CASP9: variants seen among roughly 807,000 people sequenced by gnomAD.
CASP9 encodes the protein caspase 9, also known as caspase-9.
Under a neutral mutation model 43.5 loss-of-function variants are expected in CASP9, and 29 were observed. The observed-to-expected ratio is 0.67, with a 90% confidence interval of 0.50 to 0.91. CASP9 has a LOEUF of 0.91. Among genes scored for constraint, CASP9 ranks in the 40% least tolerant of loss-of-function variants. CASP9 has a pLI of 0.00. For missense variants in CASP9, 575 were observed against 537.4 expected (o/e 1.07, Z -0.69); for synonymous variants, 206 against 211.9 (o/e 0.97, Z 0.24).
At chr1:15,522,189 CTGTT>C (rs1241661887) in intron 1 of CASP9, among the ~76,000 whole-genome samples, 4 of 152,168 alleles carry the variant, frequency 2.6e-5, no homozygotes, top group African/African-American at 4.8e-5. Context: ...TAGGGTTTTT[CTGTT>C]TGTTTGGCTC....
intron 1 of CASP9, 96 bp from the exon 2 acceptor site, chr1:15,518,491 A>G: frequency 7.6e-7 from 1 of 1,320,646 alleles, no homozygotes; most frequent in Non-Finnish European, 1.0e-6. Context: ...AGTCTAAACA[A>G]TCAGGCACGT....
intron 7 of CASP9, among the ~76,000 whole-genome samples, 161 bp from the exon 8 acceptor site, chr1:15,494,162 G>C (rs553466007): frequency 7.0e-4 from 107 of 152,204 alleles, no homozygotes; most frequent in African/African-American, 2.4e-3. Flanking sequence ...CCCTAATCAT[G>C]ATCTTATTTC....
At position 15,492,951 on chromosome 1, in the gene CASP9, T is replaced by C; in HGVS notation, c.1243A>G (p.Thr415Ala). ...GGTGAGGGGCCCTGGCCTTATGATG[T>C]TTTAAAGAAAAGTTTTTTCCGGAGG... ...NFLRKKLFFK[T>A]S The change falls in exon 9 of 9, where the codon ACA becomes GCA. Residue 415 changes from threonine (T) to alanine (A), a missense_variant. Coordinates refer to ENST00000333868, the MANE Select transcript of CASP9 (RefSeq NM_001229.5). 5 of 1,613,816 alleles carry C rather than the reference T, an allele frequency of 3.1e-6. 1 individual carries two copies. The South Asian group carries it at 5.5e-5, about 18-fold the overall frequency.
In CASP9 at chr1:15,518,071, G is replaced by A. The variant is rs752129011; in HGVS notation, c.418+39C>T. 2.4e-5 allele frequency: 38 copies of A among 1,604,338 alleles called. 1 individual carries two copies. The highest frequency in any genetic ancestry group is 1.8e-4 in the Middle Eastern group (1 of 5,448). ...CTCATAGTGAGTCCCAAATGACTAC[G>A]TGTCATGCCCACCCACCAATCACTC... is the stretch of plus-strand genomic sequence containing the variant. On this transcript the variant is annotated intron_variant, in intron 2 of 8. Coordinates refer to ENST00000333868, the MANE Select transcript of CASP9 (RefSeq NM_001229.5).
chr1:15,494,041 C>G lies in CASP9; in HGVS notation c.1049-40G>C, dbSNP rs1374647506. 6 of 1,541,934 alleles carry G rather than the reference C, an allele frequency of 3.9e-6. No individual in the cohort carries two copies. In the East Asian group the frequency reaches 1.5e-4, roughly 38 times the overall value. On this transcript the variant is annotated intron_variant, in intron 7 of 8. Coordinates refer to ENST00000333868, the MANE Select transcript of CASP9 (RefSeq NM_001229.5). ...GGGCTGAACACTGCTGGAGAGCCAC[C>G]CCTCCGCCGGCTCCCCACCACCCCT...
At chr1:15,506,153 A>C in intron 4 of CASP9, 74 bp from the exon 5 acceptor site, 3 of 1,027,600 alleles carry the variant, frequency 2.9e-6, no homozygotes, top group Non-Finnish European at 4.6e-6. Flanking sequence ...CCTAACAATA[A>C]AAGGGCCCAG....
chr1:15,492,931 G>A lies in CASP9; in HGVS notation c.*12C>T, dbSNP rs774710604. On this transcript the variant is annotated 3_prime_UTR_variant, in exon 9 of 9. Transcript: ENST00000333868. ...TGGGGTGCAAGATAAGGCAGGGTGA[G>A]GGGCCCTGGCCTTATGATGTTTTAA... The A allele has an allele frequency of 1.2e-6, 2 of 1,613,210 alleles. No individual in the cohort carries two copies. Among genetic ancestry groups the A allele is most frequent in the Non-Finnish European group, 8.5e-7 (1 of 1,180,002 alleles).
chr1:15,493,697 G>A, intron 8 of CASP9, 195 bp downstream of exon 8: 2 of 1,467,982 alleles, frequency 1.4e-6, no homozygotes, highest in Non-Finnish European at 1.8e-6. Flanking sequence ...TTGAATAAAG[G>A]GCAAACGTCA....
chr1:15,515,517 A>C (rs1237007620), intron 2 of CASP9, among the ~76,000 whole-genome samples: 1 of 152,228 alleles, frequency 6.6e-6, no homozygotes, highest in Non-Finnish European at 1.5e-5. Context: ...AAAACAACCC[A>C]CATGTCCATC....
chr1:15,522,508 G>C (rs4645995), intron 1 of CASP9, among the ~76,000 whole-genome samples: 6,071 of 151,984 alleles, frequency 0.04, 179 homozygotes, highest in Non-Finnish European at 0.059. Flanking sequence ...AAGAGTTTGA[G>C]ACTCATCTAG....
chr1:15,514,731 C>T (rs1448595735), intron 2 of CASP9, among the ~76,000 whole-genome samples: 3 of 152,140 alleles, frequency 2.0e-5, no homozygotes, highest in East Asian at 1.9e-4. Flanking sequence ...TTGGGCCAGC[C>T]GTGCTGGCTC....
intron 2 of CASP9, among the ~76,000 whole-genome samples, chr1:15,517,673 A>G (rs555129134): frequency 7.9e-5 from 12 of 152,324 alleles, no homozygotes; most frequent in Admixed American, 3.9e-4. Context: ...AGGTTGCTAT[A>G]AACGAAGAAG....
At position 15,506,995 on chromosome 1, in the gene CASP9, G is replaced by T. The variant is rs144848652; in HGVS notation, c.534C>A (p.Arg178=). Residue 178 remains arginine, a synonymous_variant, in exon 4 of 9, where the codon CGC becomes CGA. Coordinates refer to ENST00000333868, the MANE Select transcript of CASP9 (RefSeq NM_001229.5). ...AGTCGATGTTGGAGCCAGTGCGGGT[G>T]CGGAGCCCGGACTCACGGCAGAAGT... ...NVNFCRESGL[R]TRTGSNIDCE... 1 of 1,614,218 alleles carries T rather than the reference G, an allele frequency of 6.2e-7. No homozygotes were observed. The highest frequency in any genetic ancestry group is 2.2e-5 in the East Asian group (1 of 44,884).
chr1:15,497,204 G>A (rs188345944), intron 6 of CASP9, among the ~76,000 whole-genome samples: 15 of 151,362 alleles, frequency 9.9e-5, no homozygotes, highest in African/African-American at 3.6e-4. Context: ...CCAGCTACTT[G>A]GGAGGCTGAG....
intron 1 of CASP9, among the ~76,000 whole-genome samples, chr1:15,521,606 C>T (rs1276041956): frequency 1.3e-5 from 2 of 152,170 alleles, no homozygotes; most frequent in Non-Finnish European, 2.9e-5. Context: ...AAGGGAAGGG[C>T]CCCCTGTCCT....
upstream of CASP9, chr1:15,524,253 G>A (rs1168912802): frequency 1.3e-6 from 2 of 1,521,280 alleles, no homozygotes; most frequent in Non-Finnish European, 8.8e-7. Context: ...CCGGGCCTCG[G>A]CCGCCCGCCC....
At chr1:15,516,255 C>T (rs1298690227) in intron 2 of CASP9, among the ~76,000 whole-genome samples, 2 of 149,362 alleles carry the variant, frequency 1.3e-5, no homozygotes, top group South Asian at 4.2e-4. Context: ...TCCAGGAGGC[C>T]GAGATGGGAG....
intron 2 of CASP9, 40 bp downstream of exon 2, chr1:15,518,070 C>G (rs376199615): frequency 2.5e-6 from 4 of 1,603,940 alleles, no homozygotes; most frequent in South Asian, 2.2e-5. Flanking sequence ...CAAATGACTA[C>G]GTGTCATGCC....
intron 6 of CASP9, among the ~76,000 whole-genome samples, chr1:15,503,512 ACT>A (rs1438619780): frequency 3.3e-5 from 5 of 152,296 alleles, no homozygotes; most frequent in South Asian, 2.1e-4. Context: ...GGAGACTGAA[ACT>A]CTGTTTTTCC....
Sources: gnomAD v4.1 joint callset for allele counts (sites outside exome capture counted in the v4.1 genomes callset) on GRCh38, gnomAD v4.1.1 for gene constraint, MANE v1.5 for transcripts, NCBI Gene and HGNC (gene_info 2026-07-23, HGNC 2026-07-21) for gene names.